Variants in BLTP3A observed in about 807,000 individuals in gnomAD.
BLTP3A encodes ICBP90 binding protein 1.
chr6:34,795,044 C>A, the BLTP3A span, among the ~76,000 whole-genome samples: 1 of 151,932 alleles, frequency 6.6e-6, no homozygotes, highest in African/African-American at 2.4e-5. Context: ...GCCTCGGCCT[C>A]CCAAAGTGCT....
At chr6:34,827,325 A>G in the BLTP3A span, among the ~76,000 whole-genome samples, 30,317 of 151,974 alleles carry the variant, frequency 0.2, 3,641 homozygotes, top group African/African-American at 0.33. Context: ...AAAAGAAAAA[A>G]AACAAAACAA....
the BLTP3A span, among the ~76,000 whole-genome samples, chr6:34,840,690 A>G: frequency 1.3e-5 from 2 of 151,744 alleles, no homozygotes; most frequent in Admixed American, 6.6e-5. Context: ...ATCTTGGCTC[A>G]CTGCAAGCTC....
the BLTP3A span, among the ~76,000 whole-genome samples, chr6:34,868,329 T>C: frequency 6.1e-5 from 9 of 148,698 alleles, no homozygotes; most frequent in Admixed American, 3.4e-4. Context: ...TATATAAATA[T>C]ATTTTTAGGC....
chr6:34,854,764 T>C, the BLTP3A span, among the ~76,000 whole-genome samples: 1 of 152,286 alleles, frequency 6.6e-6, no homozygotes, highest in South Asian at 2.1e-4. Context: ...ACCTAGAGGA[T>C]TCCATGGTAT....
chr6:34,806,506 G>A, the BLTP3A span, among the ~76,000 whole-genome samples: 9 of 152,278 alleles, frequency 5.9e-5, no homozygotes, highest in Admixed American at 2.0e-4. Flanking sequence ...TAACCTAAGC[G>A]TACATGTTGG....
the BLTP3A span, among the ~76,000 whole-genome samples, chr6:34,836,989 T>C: frequency 2.0e-5 from 3 of 152,240 alleles, no homozygotes; most frequent in African/African-American, 7.2e-5. Flanking sequence ...GAAATTGAGT[T>C]AAATGATGTC....
At chr6:34,849,081 C>T in the BLTP3A span, among the ~76,000 whole-genome samples, 2 of 151,786 alleles carry the variant, frequency 1.3e-5, no homozygotes, top group East Asian at 3.9e-4. Context: ...TCATTGCAAC[C>T]TCCGCCTTCT....
At chr6:34,811,919 C>T in the BLTP3A span, among the ~76,000 whole-genome samples, 1 of 151,772 alleles carries the variant, frequency 6.6e-6, no homozygotes, top group African/African-American at 2.4e-5. Context: ...AGTCCTAGCT[C>T]CTTGGGAGGC....
the BLTP3A span, chr6:34,857,231 C>A: frequency 7.1e-7 from 1 of 1,409,246 alleles, no homozygotes; most frequent in Non-Finnish European, 9.8e-7. Flanking sequence ...CTGTGACAGA[C>A]TTCAGAGGGA....
At chr6:34,806,693 GCT>G in the BLTP3A span, among the ~76,000 whole-genome samples, 3 of 151,972 alleles carry the variant, frequency 2.0e-5, no homozygotes, top group African/African-American at 7.2e-5. Flanking sequence ...ATGGAGTTTT[GCT>G]CTGTTACCCA....
the BLTP3A span, among the ~76,000 whole-genome samples, chr6:34,850,119 G>GGT: frequency 6.6e-6 from 1 of 151,514 alleles, no homozygotes. Context: ...CTCCAGCCTG[G>GGT]GTGACAAGAG....
At chr6:34,864,522 C>CTTTTTTTTTTTTTTTT in the BLTP3A span, among the ~76,000 whole-genome samples, 3 of 109,456 alleles carry the variant, frequency 2.7e-5, 1 homozygote, top group African/African-American at 6.9e-5. Flanking sequence ...TGCTTATAGT[C>CTTTTTTTTTTTTTTTT]TTTTTTTTTT....
the BLTP3A span, chr6:34,873,392 C>T: frequency 6.6e-6 from 1 of 152,340 alleles, no homozygotes; most frequent in East Asian, 1.9e-4. Flanking sequence ...CTCCTCAGCC[C>T]TTGGTGGTTT....
the BLTP3A span, among the ~76,000 whole-genome samples, chr6:34,841,162 T>A: frequency 5.3e-5 from 8 of 151,182 alleles, no homozygotes; most frequent in African/African-American, 2.0e-4. Flanking sequence ...AATTTTATTA[T>A]TTTTTTTGAT....
chr6:34,852,764 CT>C, the BLTP3A span, among the ~76,000 whole-genome samples: 75 of 119,916 alleles, frequency 6.3e-4, no homozygotes, highest in Non-Finnish European at 1.2e-3. Flanking sequence ...ATCCTTGTGG[CT>C]TTTCAAATTT....
chr6:34,815,342 C>T, the BLTP3A span, among the ~76,000 whole-genome samples: 4 of 152,066 alleles, frequency 2.6e-5, no homozygotes, highest in Admixed American at 6.6e-5. Flanking sequence ...CTCTGCCTTC[C>T]GGGTTCAAGT....
the BLTP3A span, among the ~76,000 whole-genome samples, chr6:34,870,527 T>A: frequency 6.6e-6 from 1 of 152,232 alleles, no homozygotes; most frequent in African/African-American, 2.4e-5. Context: ...TTGGGAGTCC[T>A]GTGTTTTAAG....
the BLTP3A span, chr6:34,872,562 C>A: frequency 8.0e-7 from 1 of 1,250,850 alleles, no homozygotes; most frequent in Non-Finnish European, 1.1e-6. Flanking sequence ...CTGGGGAGCA[C>A]TCACTTCACT....
At chr6:34,874,477 A>C in the BLTP3A span, 1 of 152,824 alleles carries the variant, frequency 6.5e-6, no homozygotes, top group South Asian at 2.1e-4. Flanking sequence ...CAGTGAGCCG[A>C]GATAGCGCCA....
Sources: allele counts gnomAD v4.1 joint callset (sites outside exome capture counted in the v4.1 genomes callset), GRCh38; gene constraint gnomAD v4.1.1; transcripts MANE v1.5; gene names NCBI Gene and HGNC (gene_info 2026-07-23, HGNC 2026-07-21).